The following RC3H2 variants were observed in gnomAD, a reference collection of about 807,000 sequenced individuals.
The protein encoded by RC3H2 is roquin-2.
A neutral mutation model predicts 133.3 loss-of-function variants in RC3H2; 31 were observed. The observed-to-expected ratio is 0.23, with a 90% CI of 0.17 to 0.31. The LOEUF (loss-of-function observed/expected upper bound fraction) is 0.31, where lower values mean the gene tolerates loss of function less well. Ranked by LOEUF, RC3H2 falls within the 10% of genes least tolerant of loss-of-function variation. The pLI, the probability that RC3H2 is intolerant of heterozygous loss-of-function variation, is 1.00. For synonymous variants in RC3H2, 517 were observed against 502.2 expected (o/e 1.03, Z -0.40); for missense variants, 1,175 against 1,437.2 (o/e 0.82, Z 2.95).
intron 10 of RC3H2, among the ~76,000 whole-genome samples, chr9:122,862,875 CAG>C (rs1171103882): frequency 1.6e-5 from 2 of 121,416 alleles, no homozygotes; most frequent in African/African-American, 3.2e-5. Context: ...ACCTGGGTGA[CAG>C]AGAGACTCCA....
chr9:122,855,112 C>G (rs1823448), intron 15 of RC3H2, 72 bp downstream of exon 15: 173,850 of 1,115,846 alleles, frequency 0.16, 23,138 homozygotes, highest in East Asian at 0.7. Flanking sequence ...GACTCTGTCT[C>G]AATTAAAAAA....
chr9:122,866,500 C>A (rs1752426224), intron 9 of RC3H2, among the ~76,000 whole-genome samples: 1 of 151,776 alleles, frequency 6.6e-6, no homozygotes, highest in African/African-American at 2.4e-5. Flanking sequence ...ACTGCAACCT[C>A]CCTGCCTGAT....
intron 18 of RC3H2, among the ~76,000 whole-genome samples, chr9:122,852,630 T>C (rs1588050301): frequency 7.5e-6 from 1 of 133,186 alleles, no homozygotes; most frequent in Non-Finnish European, 1.6e-5. Flanking sequence ...GGGAGGGAGG[T>C]GGAGGGGTCA....
At chr9:122,875,295 C>T in intron 9 of RC3H2, 1 of 1,550,550 alleles carries the variant, frequency 6.4e-7, no homozygotes, top group Non-Finnish European at 8.7e-7. Flanking sequence ...TTGTAGAGCT[C>T]ATTATGTACA....
At chr9:122,890,257 G>T in intron 4 of RC3H2, 55 bp downstream of exon 4, 1 of 1,317,668 alleles carries the variant, frequency 7.6e-7, no homozygotes, top group Non-Finnish European at 1.1e-6. Flanking sequence ...TCCAGAAATT[G>T]GCATCCTCAA....
At chr9:122,878,712 T>C (rs1831455135) in intron 8 of RC3H2, among the ~76,000 whole-genome samples, 1 of 152,080 alleles carries the variant, frequency 6.6e-6, no homozygotes, top group African/African-American at 2.4e-5. Context: ...ATTTATTAAA[T>C]AGAAGTTATA....
At chr9:122,893,303 G>C (rs990423502) in intron 2 of RC3H2, among the ~76,000 whole-genome samples, 3 of 152,126 alleles carry the variant, frequency 2.0e-5, no homozygotes, top group Admixed American at 6.6e-5. Context: ...GACCAGCCTG[G>C]CCAACATGGT....
At chr9:122,867,845 A>C (rs1019131120) in intron 9 of RC3H2, among the ~76,000 whole-genome samples, 1 of 99,884 alleles carries the variant, frequency 1.0e-5, no homozygotes, top group African/African-American at 4.0e-5. Context: ...CCCATCTGAG[A>C]AGTGAGGAGC....
chr9:122,890,011 G>A (rs756308544), intron 4 of RC3H2, among the ~76,000 whole-genome samples: 5 of 152,132 alleles, frequency 3.3e-5, no homozygotes, highest in African/African-American at 4.8e-5. Flanking sequence ...GTATGATGGC[G>A]TGTGCCTGTA....
intron 8 of RC3H2, among the ~76,000 whole-genome samples, chr9:122,878,470 C>T (rs1316777921): frequency 1.3e-5 from 2 of 152,002 alleles, no homozygotes; most frequent in African/African-American, 4.8e-5. Context: ...TGGGGCTTCA[C>T]CATGTTAGCC....
chr9:122,875,368 C>T, intron 9 of RC3H2: 1 of 1,543,066 alleles, frequency 6.5e-7, no homozygotes. Flanking sequence ...GGGGGTTACA[C>T]TTATGTAAGA....
intron 18 of RC3H2, among the ~76,000 whole-genome samples, chr9:122,852,449 GT>G (rs1830077503): frequency 2.0e-5 from 3 of 148,432 alleles, no homozygotes; most frequent in Admixed American, 2.0e-4. Flanking sequence ...CGTCCGGGAG[GT>G]GAGGGGCGCC....
At chr9:122,863,077 T>C (rs1830520244) in intron 10 of RC3H2, among the ~76,000 whole-genome samples, 1 of 152,120 alleles carries the variant, frequency 6.6e-6, no homozygotes, top group Non-Finnish European at 1.5e-5. Context: ...TTAGCATTCA[T>C]TCCCCATTCC....
chr9:122,897,056 C>CAA (rs1832452948), intron 2 of RC3H2, among the ~76,000 whole-genome samples: 1 of 135,682 alleles, frequency 7.4e-6, no homozygotes. Context: ...AAAAAGGCCA[C>CAA]ATAAGATACA....
rs1829863920 is a variant in RC3H2, at chr9:122,846,165, T to C, written c.*3462A>G. On this transcript the variant is annotated 3_prime_UTR_variant, in exon 21 of 21. Transcript: ENST00000357244. ...ATCCTGTAATTTTCTCAAGGCAGCA[T>C]ATAAAATTGGGATGTGCTTTATATA... 6.6e-6 allele frequency: 1 copy of C among 152,222 alleles called. No homozygotes were observed. 9.4% of individuals were successfully genotyped at this position (152,222 alleles called of 1,614,324 possible). A position where few individuals can be genotyped will look rare whatever the true frequency, so the allele number is the denominator to read the frequency against.
At chr9:122,854,502 G>T in intron 16 of RC3H2, 29 bp downstream of exon 16, 1 of 1,533,766 alleles carries the variant, frequency 6.5e-7, no homozygotes, top group Non-Finnish European at 9.0e-7. Flanking sequence ...TGAGAATGGA[G>T]AATCATATAG....
chr9:122,855,427 G>C lies in RC3H2; in HGVS notation c.2602-30C>G, dbSNP rs781568315. 4 of 1,575,610 alleles carry C rather than the reference G, an allele frequency of 2.5e-6. No homozygotes were observed. The Admixed American group carries it at 5.0e-5, about 20-fold the overall frequency. ...GTAAACCAAAGAAAATCAATAAAAG[G>C]ACTGTTGGCAATTACTTCAGCTAGT... On this transcript the variant is annotated intron_variant, in intron 14 of 20. Coordinates refer to ENST00000357244, the MANE Select transcript of RC3H2 (RefSeq NM_001100588.3).
chr9:122,871,558 T>C (rs1831097793), intron 9 of RC3H2, among the ~76,000 whole-genome samples: 2 of 151,574 alleles, frequency 1.3e-5, no homozygotes, highest in African/African-American at 2.4e-5. Context: ...CTCCTGACCT[T>C]GTGATCCGCC....
chr9:122,878,040 A>G (rs1831414370), intron 8 of RC3H2, among the ~76,000 whole-genome samples: 1 of 152,166 alleles, frequency 6.6e-6, no homozygotes, highest in Non-Finnish European at 1.5e-5. Flanking sequence ...TGAGGGTGCA[A>G]CTCTCAGGCT....
Sources: gnomAD v4.1 joint callset for allele counts (sites outside exome capture counted in the v4.1 genomes callset) on GRCh38, gnomAD v4.1.1 for gene constraint, MANE v1.5 for transcripts, NCBI Gene and HGNC (gene_info 2026-07-23, HGNC 2026-07-21) for gene names.